The following MSRA variants were observed in gnomAD, a reference collection of about 807,000 sequenced individuals.
MSRA encodes mitochondrial peptide methionine sulfoxide reductase.
Under a neutral mutation model 31.3 loss-of-function variants are expected in MSRA, and 54 were observed. The observed-to-expected ratio is 1.73, with a 90% confidence interval of 1.39 to 2.17. MSRA has a LOEUF of 2.17. Ranked by LOEUF, MSRA falls within the 30% of genes most tolerant of loss-of-function variation. The pLI is 0.00. For synonymous variants in MSRA, 169 were observed against 116.5 expected, an observed-to-expected ratio of 1.45 and a Z score of -2.90; for missense variants, 507 against 300.9, an observed-to-expected ratio of 1.69 and a Z score of -5.07.
intron 2 of MSRA, among the ~76,000 whole-genome samples, chr8:10,218,574 A>T (rs549995820): frequency 6.6e-6 from 1 of 152,336 alleles, no homozygotes; most frequent in South Asian, 2.1e-4. Flanking sequence ...ATATTTCTAT[A>T]AATAGAGACT....
chr8:10,180,427 G>A (rs926884122), intron 1 of MSRA, among the ~76,000 whole-genome samples: 1 of 152,072 alleles, frequency 6.6e-6, no homozygotes, highest in African/African-American at 2.4e-5. Context: ...TTTTATGGAG[G>A]CTTCATTATG....
chr8:10,226,686 C>T (rs1010232985), intron 2 of MSRA, among the ~76,000 whole-genome samples: 3 of 152,136 alleles, frequency 2.0e-5, no homozygotes, highest in Non-Finnish European at 4.4e-5. Flanking sequence ...CATATGTGTG[C>T]ATATATGAGT....
intron 5 of MSRA, among the ~76,000 whole-genome samples, chr8:10,379,707 A>G (rs1805953605): frequency 6.6e-6 from 1 of 152,180 alleles, no homozygotes; most frequent in African/African-American, 2.4e-5. Context: ...CACTAAGATT[A>G]TTTTGTTAGG....
At chr8:10,066,436 A>G (rs897006717) in intron 1 of MSRA, among the ~76,000 whole-genome samples, 7 of 152,160 alleles carry the variant, frequency 4.6e-5, no homozygotes, top group Admixed American at 1.3e-4. Context: ...CACACGCACA[A>G]TTGTTGGTTT....
intron 3 of MSRA, among the ~76,000 whole-genome samples, chr8:10,249,288 A>G (rs1797793447): frequency 6.6e-6 from 1 of 152,216 alleles, no homozygotes; most frequent in African/African-American, 2.4e-5. Context: ...CCTCTCTGAG[A>G]TATATATCTC....
chr8:10,269,322 G>T (rs1432538748), intron 3 of MSRA, among the ~76,000 whole-genome samples: 1 of 152,170 alleles, frequency 6.6e-6, no homozygotes, highest in Non-Finnish European at 1.5e-5. Context: ...GGAAAATAAA[G>T]GCTTAAAGGA....
chr8:10,177,150 A>T (rs1806121440), intron 1 of MSRA, among the ~76,000 whole-genome samples: 1 of 152,214 alleles, frequency 6.6e-6, no homozygotes, highest in Non-Finnish European at 1.5e-5. Flanking sequence ...TAGTACTAGT[A>T]TGGTGTTGAA....
intron 1 of MSRA, among the ~76,000 whole-genome samples, chr8:10,066,025 A>G (rs1042609610): frequency 2.7e-5 from 4 of 149,944 alleles, no homozygotes; most frequent in African/African-American, 9.7e-5. Context: ...ATATAATAAT[A>G]TATAATAACT....
At chr8:10,054,871 C>T (rs956271513) in intron 1 of MSRA, among the ~76,000 whole-genome samples, 2 of 152,222 alleles carry the variant, frequency 1.3e-5, no homozygotes, top group South Asian at 2.1e-4. Context: ...GGCTCGTCAT[C>T]TTCTGGAGCC....
chr8:10,331,335 C>G (rs140738546), intron 5 of MSRA, among the ~76,000 whole-genome samples: 1 of 152,204 alleles, frequency 6.6e-6, no homozygotes, highest in African/African-American at 2.4e-5. Flanking sequence ...CTGTAGTGAC[C>G]GTGACCTTGG....
At chr8:10,218,352 C>T (rs771881461) in intron 2 of MSRA, among the ~76,000 whole-genome samples, 2 of 151,858 alleles carry the variant, frequency 1.3e-5, no homozygotes, top group African/African-American at 2.4e-5. Flanking sequence ...CACCATGTTG[C>T]CAGGCTGGTG....
At chr8:10,068,057 G>A (rs1351367758) in intron 1 of MSRA, among the ~76,000 whole-genome samples, 1 of 151,602 alleles carries the variant, frequency 6.6e-6, no homozygotes, top group Non-Finnish European at 1.5e-5. Flanking sequence ...CTGATTTTTG[G>A]ATTTTTAGTA....
At chr8:10,093,747 T>A (rs1480243170) in intron 1 of MSRA, among the ~76,000 whole-genome samples, 2 of 152,268 alleles carry the variant, frequency 1.3e-5, no homozygotes, top group African/African-American at 2.4e-5. Context: ...ATTTACTGTC[T>A]AGTGTCTTTT....
chr8:10,163,859 C>A (rs114583138), intron 1 of MSRA, among the ~76,000 whole-genome samples: 1 of 152,224 alleles, frequency 6.6e-6, no homozygotes, highest in Non-Finnish European at 1.5e-5. Context: ...GTGGCCCCTC[C>A]GCCCTTTGCC....
At chr8:10,115,444 C>T (rs1264737042) in intron 1 of MSRA, among the ~76,000 whole-genome samples, 1 of 152,170 alleles carries the variant, frequency 6.6e-6, no homozygotes, top group African/African-American at 2.4e-5. Flanking sequence ...TTCCTAGCAC[C>T]TTCAGAGGGA....
At chr8:10,104,742 G>T (rs1799768505) in intron 1 of MSRA, among the ~76,000 whole-genome samples, 2 of 152,170 alleles carry the variant, frequency 1.3e-5, no homozygotes. Flanking sequence ...AAGGGAGACG[G>T]ATATAATGAG....
At chr8:10,407,618 C>T (rs1023958884) in intron 5 of MSRA, among the ~76,000 whole-genome samples, 2 of 152,100 alleles carry the variant, frequency 1.3e-5, no homozygotes, top group South Asian at 4.1e-4. Flanking sequence ...AGGAGAATGT[C>T]TCCGGGTTTG....
At chr8:10,232,899 T>G (rs1315669021) in intron 2 of MSRA, among the ~76,000 whole-genome samples, 1 of 152,260 alleles carries the variant, frequency 6.6e-6, no homozygotes, top group Non-Finnish European at 1.5e-5. Context: ...TGATATGTTC[T>G]TTAAGTCTCT....
rs994327927 is a variant in MSRA at position 10,287,970 on chromosome 8, C to T, written c.332-13564C>T. ...TGAGCTCTTTGAGGTCGGGACCTGTCTTAATCCTGTTTTGGCTGCATCCCA... is the reference window on the plus strand; with the variant it reads ...TGAGCTCTTTGAGGTCGGGACCTGTTTTAATCCTGTTTTGGCTGCATCCCA... On this transcript the variant is annotated intron_variant, in intron 3 of 5. Coordinates refer to ENST00000317173, the MANE Select transcript of MSRA (RefSeq NM_012331.5). 7.2e-5 allele frequency among the ~76,000 whole-genome samples: 11 copies of T among 152,264 alleles called. 1 individual carries two copies. The Middle Eastern group carries it at 0.01, about 141-fold the overall frequency.
Sources: gnomAD v4.1 joint callset for allele counts (sites outside exome capture counted in the v4.1 genomes callset) on GRCh38, gnomAD v4.1.1 for gene constraint, MANE v1.5 for transcripts, NCBI Gene and HGNC (gene_info 2026-07-23, HGNC 2026-07-21) for gene names.